WDR35: variants seen among roughly 807,000 people sequenced by gnomAD.
WDR35 encodes the protein WD repeat-containing protein 35.
WDR35 carries 118 observed loss-of-function variants against 158.3 expected under a neutral mutation model. That is an observed-to-expected ratio of 0.75 (90% CI 0.64 to 0.87). The LOEUF (loss-of-function observed/expected upper bound fraction) is 0.87. Ranked by LOEUF, WDR35 falls within the 40% of genes least tolerant of loss-of-function variation. WDR35 has a pLI of 0.00. For missense variants in WDR35, 1,263 were observed against 1,405.8 expected (o/e 0.90, Z 1.62); for synonymous variants, 448 against 476.1 (o/e 0.94, Z 0.77).
chr2:19,917,058 C>A (rs1280002905), intron 25 of WDR35, among the ~76,000 whole-genome samples: 3 of 152,208 alleles, frequency 2.0e-5, no homozygotes, highest in African/African-American at 4.8e-5. Context: ...CAGGCAGCAA[C>A]CTTTGCTGCT....
intron 8 of WDR35, among the ~76,000 whole-genome samples, chr2:19,971,059 C>T (rs377446315): frequency 1.3e-5 from 2 of 151,790 alleles, no homozygotes; most frequent in East Asian, 3.9e-4. Context: ...AATAAATAAA[C>T]AGTACTTTTT....
In WDR35 at chr2:19,914,051, G is replaced by A; in HGVS notation, c.3348C>T (p.Asp1116=). 6.2e-7 allele frequency: 1 copy of A among 1,614,098 alleles called. No individual in the cohort carries two copies. The highest frequency in any genetic ancestry group is 8.5e-7 in the Non-Finnish European group (1 of 1,179,990). Residue 1116 remains aspartate (D), a synonymous_variant, in exon 26 of 27, where the codon GAC becomes GAT. Coordinates refer to ENST00000281405, the MANE Select transcript of WDR35 (RefSeq NM_020779.4). ...AATTAGCCTACCCTTCCATAAGGCT[G>A]TCCAATTCAGGTTTTCTGTTATCTT... ...TSKDNRKPEL[D]SLMEGGEGKL...
At chr2:19,951,073 G>A (rs998995864) in intron 13 of WDR35, among the ~76,000 whole-genome samples, 1 of 152,094 alleles carries the variant, frequency 6.6e-6, no homozygotes, top group African/African-American at 2.4e-5. Context: ...TCACTAATAC[G>A]CCAGGGATGA....
At chr2:19,989,946 G>A (rs761074439) in intron 1 of WDR35, 46 bp downstream of exon 1, 5 of 1,611,950 alleles carry the variant, frequency 3.1e-6, no homozygotes, top group Non-Finnish European at 4.2e-6. Flanking sequence ...ATCGCCGCAG[G>A]CTGCGGGAAT....
Position 19,913,410 on chromosome 2 carries a change from A to G in WDR35, c.*148T>C. The G allele has an allele frequency of 1.1e-6, 1 of 907,140 alleles. No homozygotes were observed. The highest frequency in any genetic ancestry group is 1.6e-6 in the Non-Finnish European group (1 of 621,286). 56.2% of individuals were successfully genotyped at this position (907,140 alleles called of 1,614,324 possible). A position where few individuals can be genotyped will look rare whatever the true frequency, so the allele number is the denominator to read the frequency against. On this transcript the variant is annotated 3_prime_UTR_variant, in exon 27 of 27. Coordinates refer to ENST00000281405, the MANE Select transcript of WDR35 (RefSeq NM_020779.4). ...GTATTGCCATAAAAATTATTTTATT[A>G]ACATATATTTTGTGCAAAAATTCAA...
chr2:19,980,824 A>G, intron 3 of WDR35, 41 bp from the exon 4 acceptor site: 1 of 1,563,020 alleles, frequency 6.4e-7, no homozygotes, highest in Non-Finnish European at 8.8e-7. Context: ...AAAGGTTACA[A>G]TTAATTTCAA....
Position 19,913,583 on chromosome 2 carries a change from G to A in WDR35, c.3488C>T (p.Pro1163Leu). Residue 1163 changes from proline (P) to leucine (L), a missense_variant, in exon 27 of 27, where the codon CCC becomes CTC. By Grantham distance (98) the Pro-to-Leu change is moderately conservative. Transcript: ENST00000281405. ...TTATCCCACTGGACTATGGCATAAG[G>A]GGCAGAAGCTGTAGTGGCTTATTTC... ...AQEISHYSFC[P>L]LCHSPVG 1.2e-6 allele frequency: 2 copies of A among 1,613,908 alleles called. No individual in the cohort carries two copies. Among genetic ancestry groups the A allele is most frequent in the Non-Finnish European group, 8.5e-7 (1 of 1,179,938 alleles).
intron 2 of WDR35, among the ~76,000 whole-genome samples, chr2:19,985,600 A>C (rs1217734917): frequency 2.9e-5 from 4 of 139,700 alleles, no homozygotes; most frequent in Non-Finnish European, 6.3e-5. Flanking sequence ...AAAAAAAAAA[A>C]GGGCCGGGCG....
At chr2:19,913,881 C>T (rs1318223407) in intron 26 of WDR35, among the ~76,000 whole-genome samples, 156 bp downstream of exon 26, 2 of 152,080 alleles carry the variant, frequency 1.3e-5, no homozygotes, top group African/African-American at 4.8e-5. Context: ...CAAAATAAAG[C>T]ATGAATACAC....
At chr2:19,973,421 A>G in intron 8 of WDR35, 142 bp downstream of exon 8, 1 of 821,474 alleles carries the variant, frequency 1.2e-6, no homozygotes, top group East Asian at 3.1e-5. Context: ...GATAAAATAC[A>G]ACAAAGATTT....
intron 19 of WDR35, 39 bp from the exon 20 acceptor site, chr2:19,936,404 G>C (rs772234903): frequency 5.0e-6 from 8 of 1,613,178 alleles, no homozygotes; most frequent in Non-Finnish European, 6.8e-6. Flanking sequence ...TCATCTATTT[G>C]ACAAATATTT....
chr2:19,961,795 A>T (rs1200037139), intron 10 of WDR35, among the ~76,000 whole-genome samples: 6 of 152,216 alleles, frequency 3.9e-5, no homozygotes, highest in Non-Finnish European at 8.8e-5. Context: ...AGTCAGCCAA[A>T]GCTTTAGCAG....
chr2:19,944,162 T>C (rs1670974129), intron 16 of WDR35, among the ~76,000 whole-genome samples: 1 of 152,022 alleles, frequency 6.6e-6, no homozygotes, highest in Non-Finnish European at 1.5e-5. Flanking sequence ...CCAGTGTCCT[T>C]GTGAATGAAA....
chr2:19,917,532 G>C (rs1234682777), intron 25 of WDR35, among the ~76,000 whole-genome samples: 1 of 152,212 alleles, frequency 6.6e-6, no homozygotes, highest in Non-Finnish European at 1.5e-5. Flanking sequence ...AGAATAACCA[G>C]TTTAGAGAAG....
chr2:19,952,772 C>T (rs1474605488), intron 12 of WDR35, among the ~76,000 whole-genome samples: 1 of 148,020 alleles, frequency 6.8e-6, no homozygotes, highest in African/African-American at 2.5e-5. Flanking sequence ...AATTCGCATA[C>T]TCAACATACT....
At position 19,914,179 on chromosome 2, in the gene WDR35, A is replaced by T. The variant is rs1181401028; in HGVS notation, c.3220T>A (p.Ser1074Thr). The T allele has an allele frequency of 2.5e-6, 4 of 1,614,200 alleles. No homozygotes were observed. Among genetic ancestry groups the T allele is most frequent in the Non-Finnish European group, 2.5e-6 (3 of 1,180,010 alleles). The change falls in exon 26 of 27, where the codon TCA (serine) becomes ACA (threonine). Residue 1074 changes from serine to threonine, a missense_variant. Transcript: ENST00000281405. ...ACASRAFGTCSKAFIKLKSLE... is the reference protein window; with the variant it reads ...ACASRAFGTCTKAFIKLKSLE... ...GATTTAAGTTTAATGAAAGCTTTTG[A>T]ACAAGTCCCAAAGGCTCTGCTGGCG...
At chr2:19,917,485 T>A (rs1179131311) in intron 25 of WDR35, among the ~76,000 whole-genome samples, 1 of 152,164 alleles carries the variant, frequency 6.6e-6, no homozygotes, top group Non-Finnish European at 1.5e-5. Flanking sequence ...GCAAGGAAGC[T>A]AAGAACCTTG....
chr2:19,976,846 G>A (rs944453428), intron 5 of WDR35, among the ~76,000 whole-genome samples: 1 of 150,512 alleles, frequency 6.6e-6, no homozygotes, highest in Admixed American at 6.6e-5. Context: ...CTGAGACAGG[G>A]TCTCACTCTT....
intron 23 of WDR35, among the ~76,000 whole-genome samples, chr2:19,931,911 C>T (rs12052274): frequency 0.11 from 16,061 of 151,896 alleles, 935 homozygotes; most frequent in South Asian, 0.2. Flanking sequence ...TATCTTCCCT[C>T]CAAATAAATA....
Sources: gnomAD v4.1 joint callset for allele counts (sites outside exome capture counted in the v4.1 genomes callset) on GRCh38, gnomAD v4.1.1 for gene constraint, MANE v1.5 for transcripts, NCBI Gene and HGNC (gene_info 2026-07-23, HGNC 2026-07-21) for gene names.